Variants in PTPRG observed in about 807,000 individuals in gnomAD.
PTPRG encodes protein tyrosine phosphatase receptor type G, also known as receptor-type tyrosine-protein phosphatase gamma.
In PTPRG, 102 loss-of-function variants were observed where a neutral mutation model predicts 165.3. The observed-to-expected ratio is 0.62, with a 90% confidence interval of 0.53 to 0.73. The LOEUF (loss-of-function observed/expected upper bound fraction) is 0.73, where lower values mean the gene tolerates loss of function less well. PTPRG is among the 30% of genes least tolerant of loss of function. PTPRG has a pLI of 0.00. For synonymous variants in PTPRG, 675 were observed against 669.5 expected, an observed-to-expected ratio of 1.01 and a Z score of -0.13; for missense variants, 1,866 against 1,861.4, an observed-to-expected ratio of 1.00 and a Z score of -0.05.
intron 1 of PTPRG, among the ~76,000 whole-genome samples, chr3:61,676,471 A>AAAGAAAAAAAAAAG (rs1553648155): frequency 1.0e-5 from 1 of 99,022 alleles, no homozygotes; most frequent in African/African-American, 2.9e-5. Context: ...AAAAAAAAAA[A>AAAGAAAAAAAAAAG]AAAGAAAATT....
At chr3:61,906,120 A>G (rs1311123697) in intron 2 of PTPRG, among the ~76,000 whole-genome samples, 1 of 151,874 alleles carries the variant, frequency 6.6e-6, no homozygotes, top group Non-Finnish European at 1.5e-5. Flanking sequence ...AAGTGAAGTC[A>G]TATTTGAAGA....
intron 4 of PTPRG, among the ~76,000 whole-genome samples, chr3:62,043,574 A>C (rs890089590): frequency 1.3e-5 from 2 of 152,240 alleles, no homozygotes; most frequent in African/African-American, 4.8e-5. Context: ...CTCTGTTGCA[A>C]AAGGTCTCTT....
chr3:61,678,046 G>C (rs1316680946), intron 1 of PTPRG, among the ~76,000 whole-genome samples: 1 of 152,148 alleles, frequency 6.6e-6, no homozygotes, highest in Non-Finnish European at 1.5e-5. Flanking sequence ...CCTGATGTTG[G>C]GCAGATGAGG....
At chr3:61,679,968 G>A (rs1400748388) in intron 1 of PTPRG, among the ~76,000 whole-genome samples, 2 of 152,056 alleles carry the variant, frequency 1.3e-5, no homozygotes, top group African/African-American at 4.8e-5. Flanking sequence ...CCCGCTACTG[G>A]AACATTTTCT....
chr3:61,716,644 A>C (rs1395211501), intron 1 of PTPRG, among the ~76,000 whole-genome samples: 1 of 152,202 alleles, frequency 6.6e-6, no homozygotes, highest in Non-Finnish European at 1.5e-5. Flanking sequence ...AACTGTACTT[A>C]AACTACCTGG....
chr3:62,248,591 A>G (rs1701342564), intron 15 of PTPRG, among the ~76,000 whole-genome samples: 1 of 152,204 alleles, frequency 6.6e-6, no homozygotes, highest in African/African-American at 2.4e-5. Context: ...TGAATATTAC[A>G]ATTATTAATG....
rs146466564 is a variant in PTPRG, at chr3:61,759,417, G to A, written c.190+10435G>A. Reference sequence around the variant, plus strand: ...CACCTGTAATCTCAACACTTTGGAAGGCTGAGGTGGGAGGATCACTTGAGC... The same window carrying A: ...CACCTGTAATCTCAACACTTTGGAAAGCTGAGGTGGGAGGATCACTTGAGC... On this transcript the variant is annotated intron_variant, in intron 2 of 29. Coordinates refer to ENST00000474889, the MANE Select transcript of PTPRG (RefSeq NM_002841.4). Among the ~76,000 whole-genome samples the A allele has an allele frequency of 3.3e-5, 5 of 152,268 alleles. No individual in the cohort carries two copies. The East Asian group carries it at 9.6e-4, about 29-fold the overall frequency.
At chr3:62,119,939 T>A (rs1371241925) in intron 5 of PTPRG, among the ~76,000 whole-genome samples, 2 of 152,010 alleles carry the variant, frequency 1.3e-5, no homozygotes, top group Non-Finnish European at 2.9e-5. Flanking sequence ...CGGCCAGATT[T>A]ATTTTTAAAA....
intron 1 of PTPRG, among the ~76,000 whole-genome samples, chr3:61,623,428 T>C (rs1194362776): frequency 6.6e-6 from 1 of 152,198 alleles, no homozygotes; most frequent in East Asian, 1.9e-4. Flanking sequence ...TAATTACAAC[T>C]AGGCCTTGCT....
At chr3:61,780,234 C>T (rs776021486) in intron 2 of PTPRG, among the ~76,000 whole-genome samples, 6 of 152,206 alleles carry the variant, frequency 3.9e-5, no homozygotes, top group Non-Finnish European at 7.3e-5. Context: ...ATCAGCAGCT[C>T]TGGGTAATGA....
intron 6 of PTPRG, among the ~76,000 whole-genome samples, chr3:62,135,759 G>A (rs148698028): frequency 2.6e-5 from 4 of 152,260 alleles, no homozygotes; most frequent in East Asian, 3.9e-4. Flanking sequence ...TTTGGGCCAC[G>A]CATAGTGCAG....
At chr3:61,580,160 T>C in intron 1 of PTPRG, among the ~76,000 whole-genome samples, 1 of 152,118 alleles carries the variant, frequency 6.6e-6, no homozygotes, top group Admixed American at 6.5e-5. Context: ...AGAGTTGTAC[T>C]CTGAGCCAGG....
chr3:61,877,467 T>G (rs1482527237), intron 2 of PTPRG, among the ~76,000 whole-genome samples: 4 of 151,934 alleles, frequency 2.6e-5, no homozygotes, highest in African/African-American at 4.8e-5. Flanking sequence ...TACATGTGGT[T>G]GTTGTGTAGT....
At chr3:62,085,215 A>AT (rs1479237158) in intron 5 of PTPRG, among the ~76,000 whole-genome samples, 1 of 152,204 alleles carries the variant, frequency 6.6e-6, no homozygotes, top group Non-Finnish European at 1.5e-5. Flanking sequence ...ATTATTAATT[A>AT]TTTGGGTTTT....
At chr3:61,934,725 G>A (rs573888424) in intron 2 of PTPRG, among the ~76,000 whole-genome samples, 3 of 152,224 alleles carry the variant, frequency 2.0e-5, no homozygotes, top group African/African-American at 7.2e-5. Flanking sequence ...TTATTCACAT[G>A]TACATCCCTA....
chr3:61,902,035 A>G (rs72882268), intron 2 of PTPRG, among the ~76,000 whole-genome samples: 5,680 of 152,256 alleles, frequency 0.037, 376 homozygotes, highest in African/African-American at 0.13. Flanking sequence ...AAGGTACTCT[A>G]TTGTCCTACC....
chr3:62,268,974 A>G, intron 19 of PTPRG, 61 bp from the exon 20 acceptor site: 2 of 1,422,830 alleles, frequency 1.4e-6, no homozygotes, highest in East Asian at 4.9e-5. Flanking sequence ...TTGAAATTAC[A>G]TTATCAACAG....
At chr3:61,763,290 T>A (rs970625204) in intron 2 of PTPRG, among the ~76,000 whole-genome samples, 1 of 151,576 alleles carries the variant, frequency 6.6e-6, no homozygotes, top group Non-Finnish European at 1.5e-5. Flanking sequence ...CAGGCTGGAG[T>A]GCAGTGGCAT....
chr3:61,635,660 C>T (rs1042863662), intron 1 of PTPRG, among the ~76,000 whole-genome samples: 1 of 151,990 alleles, frequency 6.6e-6, no homozygotes, highest in East Asian at 1.9e-4. Flanking sequence ...ATTATTAATA[C>T]TATTATTATT....
Sources: gnomAD v4.1 joint callset for allele counts (sites outside exome capture counted in the v4.1 genomes callset) on GRCh38, gnomAD v4.1.1 for gene constraint, MANE v1.5 for transcripts, NCBI Gene and HGNC (gene_info 2026-07-23, HGNC 2026-07-21) for gene names.